The following MAPK10 variants were observed in gnomAD, a reference collection of about 807,000 sequenced individuals.
MAPK10 encodes JNK3 alpha protein kinase.
A neutral mutation model predicts 59.3 loss-of-function variants in MAPK10; 25 were observed. The observed-to-expected ratio is 0.42, with a 90% confidence interval of 0.31 to 0.59. The LOEUF (loss-of-function observed/expected upper bound fraction) is 0.59. Among genes scored for constraint, MAPK10 ranks in the 20% least tolerant of loss-of-function variants. The pLI, the probability that MAPK10 is intolerant of heterozygous loss-of-function variation, is 0.15. For missense variants in MAPK10, 351 were observed against 568.9 expected, an observed-to-expected ratio of 0.62 and a Z score of 3.90; for synonymous variants, 190 against 200.5, an observed-to-expected ratio of 0.95 and a Z score of 0.44.
At chr4:86,490,252 C>T (rs959794103) in intron 1 of MAPK10, among the ~76,000 whole-genome samples, 1 of 152,176 alleles carries the variant, frequency 6.6e-6, no homozygotes. Flanking sequence ...TCCCTCCCCA[C>T]ATTCCTTCAT....
intron 2 of MAPK10, among the ~76,000 whole-genome samples, chr4:86,253,452 C>T (rs1462898988): frequency 1.7e-5 from 2 of 117,050 alleles, no homozygotes; most frequent in Non-Finnish European, 3.3e-5. Flanking sequence ...TTGTCTTTGG[C>T]TCTGTTTATA....
chr4:86,316,286 C>T (rs116306241), intron 2 of MAPK10, among the ~76,000 whole-genome samples: 12 of 152,168 alleles, frequency 7.9e-5, no homozygotes, highest in South Asian at 2.1e-4. Context: ...AATTTTGCAA[C>T]GCATTAAACC....
intron 11 of MAPK10, among the ~76,000 whole-genome samples, chr4:86,052,989 A>T (rs556983162): frequency 2.7e-4 from 40 of 150,568 alleles, no homozygotes; most frequent in African/African-American, 9.0e-4. Flanking sequence ...CCTGGAGGGT[A>T]TTTTTTTTTT....
chr4:86,250,479 GC>G (rs1283383483), intron 2 of MAPK10, among the ~76,000 whole-genome samples: 1 of 152,062 alleles, frequency 6.6e-6, no homozygotes, highest in Non-Finnish European at 1.5e-5. Context: ...CTATGCTTTT[GC>G]TGTTAATATT....
rs528491422 is a variant in MAPK10 at position 86,397,875 on chromosome 4, A to C, written c.-121-43231T>G. Among the ~76,000 whole-genome samples, 941 of 151,078 alleles carry C rather than the reference A, an allele frequency of 6.2e-3. 9 individuals are homozygous for C. Among genetic ancestry groups the C allele is most frequent in the African/African-American group, 0.02 (842 of 41,332 alleles). On this transcript the variant is annotated intron_variant, in intron 1 of 13. Transcript: ENST00000361569. Reference sequence around the variant, plus strand: ...TGAATCTGCTATGGCAAAAAAAAAAAAAAAAAAAAAAAAAACTGGCTTTTT... The same window carrying C: ...TGAATCTGCTATGGCAAAAAAAAAACAAAAAAAAAAAAAAACTGGCTTTTT...
chr4:86,113,439 G>A (rs1244904852), intron 4 of MAPK10, among the ~76,000 whole-genome samples: 1 of 152,186 alleles, frequency 6.6e-6, no homozygotes, highest in Non-Finnish European at 1.5e-5. Context: ...GCATTTGCTT[G>A]TCTGAAAAGG....
At chr4:86,415,126 A>G (rs1745695742) in intron 1 of MAPK10, among the ~76,000 whole-genome samples, 1 of 143,784 alleles carries the variant, frequency 7.0e-6, no homozygotes, top group South Asian at 2.4e-4. Context: ...GCAACAGACC[A>G]AGATTCTGTC....
At chr4:86,106,816 C>T (rs1442989975) in intron 5 of MAPK10, 1 of 152,358 alleles carries the variant, frequency 6.6e-6, no homozygotes, top group Admixed American at 6.6e-5. Context: ...TAAAACTCAA[C>T]CGTTGGCAAT....
intron 1 of MAPK10, among the ~76,000 whole-genome samples, chr4:86,372,794 C>T (rs1351190738): frequency 1.3e-5 from 2 of 152,114 alleles, no homozygotes; most frequent in South Asian, 2.1e-4. Context: ...GCACTAAATG[C>T]CCACATCAGA....
chr4:86,377,191 T>C (rs1739953515), intron 1 of MAPK10, among the ~76,000 whole-genome samples: 1 of 152,174 alleles, frequency 6.6e-6, no homozygotes, highest in Non-Finnish European at 1.5e-5. Context: ...AGATTAACAC[T>C]AGCACTCTGA....
At chr4:86,571,221 AAAATT>A (rs1761420033) in intron 1 of MAPK10, among the ~76,000 whole-genome samples, 1 of 150,112 alleles carries the variant, frequency 6.7e-6, no homozygotes, top group Non-Finnish European at 1.5e-5. Context: ...TGTAAAAAAT[AAAATT>A]AATTTAAAAA....
intron 4 of MAPK10, among the ~76,000 whole-genome samples, chr4:86,108,850 G>A (rs1195632298): frequency 1.3e-5 from 2 of 152,088 alleles, no homozygotes; most frequent in African/African-American, 2.4e-5. Context: ...CACACAATGC[G>A]TGGCCTAGAG....
intron 1 of MAPK10, among the ~76,000 whole-genome samples, chr4:86,548,752 C>A (rs1478649107): frequency 6.6e-6 from 1 of 152,148 alleles, no homozygotes; most frequent in Non-Finnish European, 1.5e-5. Context: ...CAGGTACTCT[C>A]AGTGCCACTC....
intron 1 of MAPK10, among the ~76,000 whole-genome samples, chr4:86,574,905 T>C (rs748321336): frequency 2.0e-5 from 3 of 152,182 alleles, no homozygotes; most frequent in Non-Finnish European, 2.9e-5. Flanking sequence ...TTTAACAAAA[T>C]ATGATGGTTA....
intron 3 of MAPK10, among the ~76,000 whole-genome samples, chr4:86,189,961 T>A (rs1334443109): frequency 6.6e-6 from 1 of 152,116 alleles, no homozygotes; most frequent in South Asian, 2.1e-4. Flanking sequence ...CATGAATGGG[T>A]GTTGAATTTT....
Position 86,250,828 on chromosome 4 carries a change from C to A in MAPK10, c.-6-56421G>T, listed in dbSNP as rs114792686. Among the ~76,000 whole-genome samples the A allele has an allele frequency of 3.6e-3, 546 of 152,262 alleles. 9 individuals carry two copies. The highest frequency in any genetic ancestry group is 0.013 in the African/African-American group (526 of 41,538). ...GATTAATTTCACCAGTGGTCATGAGCTACAACACAGCCAGGGGACATGACA... is the reference window on the plus strand; with the variant it reads ...GATTAATTTCACCAGTGGTCATGAGATACAACACAGCCAGGGGACATGACA... On this transcript the variant is annotated intron_variant, in intron 2 of 13. Coordinates refer to ENST00000641462, the MANE Select transcript of MAPK10 (RefSeq NM_138982.4).
chr4:86,295,199 A>T (rs2095327750), intron 2 of MAPK10, among the ~76,000 whole-genome samples: 1 of 152,156 alleles, frequency 6.6e-6, no homozygotes, highest in African/African-American at 2.4e-5. Context: ...GGAACAAAAC[A>T]ACACGGTGTT....
intron 11 of MAPK10, among the ~76,000 whole-genome samples, chr4:86,042,778 G>C (rs1307413008): frequency 1.3e-5 from 2 of 151,380 alleles, no homozygotes; most frequent in Non-Finnish European, 1.5e-5. Flanking sequence ...AAAAAAAGAG[G>C]GGAAGAAATG....
chr4:86,194,137 A>G (rs2080703039), intron 3 of MAPK10, 199 bp downstream of exon 3: 2 of 552,544 alleles, frequency 3.6e-6, no homozygotes, highest in Admixed American at 3.3e-5. Flanking sequence ...TGCAGAAATC[A>G]CTCGTCTTCT....
Sources: gnomAD v4.1 joint callset for allele counts (sites outside exome capture counted in the v4.1 genomes callset) on GRCh38, gnomAD v4.1.1 for gene constraint, MANE v1.5 for transcripts, NCBI Gene and HGNC (gene_info 2026-07-23, HGNC 2026-07-21) for gene names.